Variants in PTAR1 observed in about 807,000 individuals in gnomAD.
The protein encoded by PTAR1 is protein prenyltransferase alpha subunit repeat containing 1, also known as protein prenyltransferase alpha subunit repeat-containing protein 1.
In PTAR1, 17 loss-of-function variants were observed where a neutral mutation model predicts 45.5. The observed-to-expected ratio is 0.37, with a 90% CI of 0.26 to 0.56. The LOEUF is 0.56. Ranked by LOEUF, PTAR1 falls within the 20% of genes least tolerant of loss-of-function variation. PTAR1 has a pLI of 0.77. For synonymous variants in PTAR1, 169 were observed against 171.3 expected, an observed-to-expected ratio of 0.99 and a Z score of 0.11; for missense variants, 391 against 476.3, an observed-to-expected ratio of 0.82 and a Z score of 1.67.
At chr9:69,720,152 G>A (rs1824926619) in intron 6 of PTAR1, among the ~76,000 whole-genome samples, 1 of 152,230 alleles carries the variant, frequency 6.6e-6, no homozygotes, top group South Asian at 2.1e-4. Context: ...GTCCAAAGGT[G>A]AGACAGGCTG....
At chr9:69,740,218 T>C (rs1026302481) in intron 3 of PTAR1, among the ~76,000 whole-genome samples, 3 of 152,106 alleles carry the variant, frequency 2.0e-5, no homozygotes, top group Non-Finnish European at 2.9e-5. Flanking sequence ...TGTGTATGTA[T>C]GTATGTAGGT....
In PTAR1 at chr9:69,718,548, C is replaced by T. The variant is rs926740762; in HGVS notation, c.1003G>A (p.Ala335Thr). 6.2e-7 allele frequency: 1 copy of T among 1,613,708 alleles called. No individual in the cohort carries two copies. The highest frequency in any genetic ancestry group is 8.5e-7 in the Non-Finnish European group (1 of 1,179,706). Residue 335 changes from alanine (A) to threonine (T), a missense_variant, in exon 8 of 8, where the codon GCA becomes ACA. Transcript: ENST00000340434. ...HLNAGSQLSQAMEVDGLNDSS... is the reference protein window; with the variant it reads ...HLNAGSQLSQTMEVDGLNDSS... ...TCATTCAGTCCATCTACTTCCATTG[C>T]TTGAGACAGCTGGGAGCCTGCTGGG...
chr9:69,746,976 C>A lies in PTAR1; in HGVS notation c.256+3805G>T, dbSNP rs1029935178. 3.9e-5 allele frequency among the ~76,000 whole-genome samples: 6 copies of A among 152,156 alleles called. No individual in the cohort carries two copies. The East Asian group carries it at 1.2e-3, about 29-fold the overall frequency. ...TTTCCTCCAAAATACATTCAGGTTA[C>A]CACAAGAAGTGAAGCTTGAGTTAAA... On this transcript the variant is annotated intron_variant, in intron 2 of 7. Coordinates refer to ENST00000340434, the MANE Select transcript of PTAR1 (RefSeq NM_001099666.2).
intron 4 of PTAR1, among the ~76,000 whole-genome samples, chr9:69,733,209 C>T (rs544403158): frequency 6.6e-6 from 1 of 152,024 alleles, no homozygotes. Flanking sequence ...CCCCTGCCAC[C>T]ATCCCTTTCC....
chr9:69,724,135 C>T (rs879718906), intron 5 of PTAR1, among the ~76,000 whole-genome samples: 30 of 152,108 alleles, frequency 2.0e-4, no homozygotes, highest in Admixed American at 9.2e-4. Flanking sequence ...GGGCAGAGAC[C>T]GTGTCTGTCT....
chr9:69,759,855 G>T lies in PTAR1; in HGVS notation c.84C>A (p.His28Gln). 6.6e-7 allele frequency: 1 copy of T among 1,524,652 alleles called. No individual in the cohort carries two copies. Among genetic ancestry groups the T allele is most frequent in the South Asian group, 1.2e-5 (1 of 82,196 alleles). The allele number at this position is 1,524,652 out of a possible 1,614,324, so 94.4% of individuals were successfully genotyped here. Reference protein sequence around the residue: ...DITNAFRRNPHIDEIGLIPCP... With the variant: ...DITNAFRRNPQIDEIGLIPCP... Reference sequence around the variant, plus strand: ...GGCGGCGGAGGCGCGCGACTCACATGTGTGGGTTCCTCCTGAAGGCGTTAG... The same window carrying T: ...GGCGGCGGAGGCGCGCGACTCACATTTGTGGGTTCCTCCTGAAGGCGTTAG... The change falls in exon 1 of 8, where the codon CAC becomes CAA. Residue 28 changes from histidine to glutamine, a missense_variant and splice_region_variant. Physicochemically the swap from His to Gln is conservative, Grantham distance 24. Around this residue, in one of 5 missense-constraint regions of PTAR1, gnomAD observed 152 missense variants for 160.0 expected, o/e 0.95. Coordinates refer to ENST00000340434, the MANE Select transcript of PTAR1 (RefSeq NM_001099666.2).
At chr9:69,741,127 T>C (rs554803372) in intron 3 of PTAR1, among the ~76,000 whole-genome samples, 26 of 152,176 alleles carry the variant, frequency 1.7e-4, no homozygotes, top group Non-Finnish European at 3.2e-4. Flanking sequence ...TCTCTAGCTA[T>C]GCCAACACTT....
At chr9:69,722,728 C>A (rs1438327100) in intron 6 of PTAR1, among the ~76,000 whole-genome samples, 1 of 151,640 alleles carries the variant, frequency 6.6e-6, no homozygotes. Context: ...CACCTGAGGT[C>A]AGGAGTTCGA....
intron 2 of PTAR1, among the ~76,000 whole-genome samples, chr9:69,745,005 AC>A (rs1479235975): frequency 6.6e-6 from 1 of 152,162 alleles, no homozygotes; most frequent in Admixed American, 6.5e-5. Context: ...ACCTCTTGGA[AC>A]CTCAGTGAAA....
intron 2 of PTAR1, among the ~76,000 whole-genome samples, chr9:69,742,358 A>G (rs978711034): frequency 1.6e-4 from 25 of 152,128 alleles, no homozygotes; most frequent in Non-Finnish European, 2.5e-4. Context: ...GCAATGATAA[A>G]TGTACAACTT....
chr9:69,752,222 C>T (rs889229005), intron 1 of PTAR1, among the ~76,000 whole-genome samples: 2 of 152,144 alleles, frequency 1.3e-5, no homozygotes, highest in African/African-American at 2.4e-5. Context: ...TTACCAAGAA[C>T]ACAGTGGTTT....
intron 3 of PTAR1, among the ~76,000 whole-genome samples, chr9:69,735,024 A>G (rs750758308): frequency 6.6e-6 from 1 of 152,206 alleles, no homozygotes; most frequent in East Asian, 1.9e-4. Flanking sequence ...CTTTGTGCTT[A>G]TAACTTCTTT....
intron 6 of PTAR1, among the ~76,000 whole-genome samples, chr9:69,719,723 G>C (rs1374512138): frequency 1.3e-5 from 2 of 152,148 alleles, no homozygotes; most frequent in Non-Finnish European, 2.9e-5. Flanking sequence ...CTTGTGTCAA[G>C]CAAGTCTATC....
intron 4 of PTAR1, 125 bp from the exon 5 acceptor site, chr9:69,732,477 A>G: frequency 1.4e-6 from 1 of 690,460 alleles, no homozygotes; most frequent in East Asian, 2.7e-5. Flanking sequence ...ACCTGTTTAT[A>G]AGTCTAGTAT....
At chr9:69,757,194 A>C (rs1355625033) in intron 1 of PTAR1, 2 of 152,260 alleles carry the variant, frequency 1.3e-5, no homozygotes, top group African/African-American at 4.8e-5. Flanking sequence ...GTGACTGTTT[A>C]CATTATAAAC....
At chr9:69,758,926 T>C (rs1396510591) in intron 1 of PTAR1, among the ~76,000 whole-genome samples, 2 of 151,684 alleles carry the variant, frequency 1.3e-5, no homozygotes, top group African/African-American at 2.4e-5. Context: ...CTGGATGCCA[T>C]GTTTCTTTTC....
chr9:69,740,615 T>G (rs1462191056), intron 3 of PTAR1, among the ~76,000 whole-genome samples: 1 of 150,428 alleles, frequency 6.6e-6, no homozygotes, highest in Non-Finnish European at 1.5e-5. Context: ...ATGTCTATTA[T>G]GTACCGGCAC....
chr9:69,734,820 A>AT (rs1176242943), intron 3 of PTAR1, among the ~76,000 whole-genome samples: 1 of 152,198 alleles, frequency 6.6e-6, no homozygotes, highest in Non-Finnish European at 1.5e-5. Context: ...TCACACATAC[A>AT]TTTTAACATA....
At chr9:69,759,622 T>C (rs938157341) in intron 1 of PTAR1, among the ~76,000 whole-genome samples, 3 of 152,200 alleles carry the variant, frequency 2.0e-5, no homozygotes, top group Non-Finnish European at 4.4e-5. Context: ...AGTTCCGTTT[T>C]GATTTTTTGA....
Sources: allele counts gnomAD v4.1 joint callset (sites outside exome capture counted in the v4.1 genomes callset), GRCh38; gene constraint gnomAD v4.1.1; regional missense constraint gnomAD v4.1.1; transcripts MANE v1.5; gene names NCBI Gene and HGNC (gene_info 2026-07-23, HGNC 2026-07-21).